The following HTT variants were observed in gnomAD, a reference collection of about 807,000 sequenced individuals.
HTT encodes huntingtin.
Under a neutral mutation model 362.3 loss-of-function variants are expected in HTT, and 104 were observed. That is an observed-to-expected ratio of 0.29 (90% CI 0.24 to 0.34). The LOEUF (loss-of-function observed/expected upper bound fraction) is 0.34, where lower values mean the gene tolerates loss of function less well. HTT is among the 10% of genes least tolerant of loss of function. The probability of loss-of-function intolerance (pLI) is 1.00; values close to 1 mark genes in which losing one functional copy is unlikely to be tolerated. For missense variants in HTT, 3,301 were observed against 3,928.6 expected (o/e 0.84, Z 4.27); for synonymous variants, 1,577 against 1,548.7 (o/e 1.02, Z -0.43).
intron 6 of HTT, among the ~76,000 whole-genome samples, chr4:3,112,756 G>A (rs1002667259): frequency 6.6e-6 from 1 of 152,146 alleles, no homozygotes; most frequent in African/African-American, 2.4e-5. Flanking sequence ...TTTCCATCTT[G>A]CACAGCTAGA....
intron 40 of HTT, among the ~76,000 whole-genome samples, chr4:3,193,005 C>T (rs1164984584): frequency 1.3e-5 from 2 of 152,210 alleles, no homozygotes; most frequent in Non-Finnish European, 2.9e-5. Context: ...CAGTGACAGA[C>T]GAAATGGGTG....
At chr4:3,236,956 T>TG (rs757140610) in intron 64 of HTT, among the ~76,000 whole-genome samples, 15 of 152,184 alleles carry the variant, frequency 9.9e-5, no homozygotes, top group Non-Finnish European at 2.2e-4. Context: ...GGGTGGCCAG[T>TG]GGGGAGCCAT....
chr4:3,115,970 A>T, intron 7 of HTT, 115 bp from the exon 8 acceptor site: 1 of 959,516 alleles, frequency 1.0e-6, no homozygotes, highest in Non-Finnish European at 1.6e-6. Context: ...GTACTCGTTC[A>T]TGATCATGTT....
chr4:3,202,233 G>A (rs1287700194), intron 41 of HTT, among the ~76,000 whole-genome samples: 4 of 152,142 alleles, frequency 2.6e-5, no homozygotes, highest in Non-Finnish European at 5.9e-5. Flanking sequence ...CTAGATTTGG[G>A]ACATTCATTC....
At position 3,139,529 on chromosome 4, in the gene HTT, C is replaced by A. The variant is rs565830980; in HGVS notation, c.2799-981C>A. ...TACTTCTTATATTCTAGAAAAAATT[C>A]TACTCATGATCAAGTCTCCATGAGG... On this transcript the variant is annotated intron_variant, in intron 21 of 66. Coordinates refer to ENST00000355072, the MANE Select transcript of HTT (RefSeq NM_001388492.1). Among the ~76,000 whole-genome samples, 7 of 152,294 alleles carry A rather than the reference C, an allele frequency of 4.6e-5. No homozygotes were observed. The South Asian group carries it at 1.4e-3, about 32-fold the overall frequency.
At chr4:3,237,945 G>A (rs1206584016) in intron 64 of HTT, among the ~76,000 whole-genome samples, 1 of 152,230 alleles carries the variant, frequency 6.6e-6, no homozygotes, top group African/African-American at 2.4e-5. Flanking sequence ...AACACATAGG[G>A]ATGTTTGTGG....
chr4:3,141,174 C>T (rs930825575), intron 22 of HTT, among the ~76,000 whole-genome samples: 1 of 152,182 alleles, frequency 6.6e-6, no homozygotes, highest in African/African-American at 2.4e-5. Context: ...GAGTGGGACA[C>T]AGTGCTTTAA....
intron 28 of HTT, among the ~76,000 whole-genome samples, chr4:3,158,994 T>C (rs1016067410): frequency 3.9e-5 from 6 of 152,224 alleles, no homozygotes; most frequent in Non-Finnish European, 8.8e-5. Context: ...TCCTGTTTCC[T>C]TTGCTCTGTC....
chr4:3,195,025 A>G (rs753798291), intron 40 of HTT, among the ~76,000 whole-genome samples: 34 of 152,326 alleles, frequency 2.2e-4, no homozygotes, highest in Middle Eastern at 3.4e-3. Context: ...GCCAAAACCA[A>G]GAATGAAAAC....
intron 28 of HTT, among the ~76,000 whole-genome samples, chr4:3,158,340 C>G (rs887704119): frequency 6.6e-6 from 1 of 152,176 alleles, no homozygotes; most frequent in Non-Finnish European, 1.5e-5. Flanking sequence ...ATCAGTTCCC[C>G]TGTTGTTCTT....
chr4:3,113,384 C>T (rs186794137), intron 6 of HTT, among the ~76,000 whole-genome samples: 5 of 151,884 alleles, frequency 3.3e-5, no homozygotes, highest in Non-Finnish European at 7.4e-5. Flanking sequence ...GGCTGGAGTG[C>T]AGTGGCACAA....
chr4:3,222,309 G>A (rs777870793), intron 53 of HTT, 78 bp from the exon 54 acceptor site: 8 of 1,233,252 alleles, frequency 6.5e-6, no homozygotes, highest in African/African-American at 1.5e-5. Context: ...GGGCCGTGCT[G>A]TGTCGGCGTA....
intron 33 of HTT, among the ~76,000 whole-genome samples, chr4:3,176,646 G>T (rs1324036340): frequency 6.6e-6 from 1 of 152,166 alleles, no homozygotes; most frequent in East Asian, 1.9e-4. Flanking sequence ...TTTCATGTTT[G>T]TTCTGATTGC....
intron 23 of HTT, among the ~76,000 whole-genome samples, chr4:3,144,653 A>G (rs1002030515): frequency 1.2e-4 from 19 of 152,190 alleles, no homozygotes; most frequent in African/African-American, 4.6e-4. Context: ...AAATACTTCC[A>G]TGTTATAGAA....
chr4:3,202,100 C>T (rs1171990988), intron 41 of HTT, among the ~76,000 whole-genome samples: 1 of 152,200 alleles, frequency 6.6e-6, no homozygotes, highest in Non-Finnish European at 1.5e-5. Flanking sequence ...TTATGATTCA[C>T]TCTCAATCTG....
At chr4:3,178,174 C>T (rs776532102) in intron 34 of HTT, 124 bp from the exon 35 acceptor site, 20 of 737,130 alleles carry the variant, frequency 2.7e-5, no homozygotes, top group Non-Finnish European at 4.3e-5. Context: ...GAGTAGATCA[C>T]GGACACCTGT....
At chr4:3,089,392 T>C (rs1429331103) in intron 2 of HTT, among the ~76,000 whole-genome samples, 1 of 152,180 alleles carries the variant, frequency 6.6e-6, no homozygotes, top group African/African-American at 2.4e-5. Context: ...TAGCTGGGAC[T>C]ACAGGCACCC....
intron 21 of HTT, among the ~76,000 whole-genome samples, chr4:3,139,834 T>A (rs906916716): frequency 6.6e-6 from 1 of 152,032 alleles, no homozygotes; most frequent in Non-Finnish European, 1.5e-5. Context: ...CTCAGTACTC[T>A]GTGGACAGAC....
intron 18 of HTT, among the ~76,000 whole-genome samples, chr4:3,133,325 A>G: frequency 7.9e-6 from 1 of 126,178 alleles, no homozygotes; most frequent in Non-Finnish European, 1.6e-5. Flanking sequence ...ACAGAAAATT[A>G]AAAAAAAAAA....
Sources: gnomAD v4.1 joint callset for allele counts (sites outside exome capture counted in the v4.1 genomes callset) on GRCh38, gnomAD v4.1.1 for gene constraint, MANE v1.5 for transcripts, NCBI Gene and HGNC (gene_info 2026-07-23, HGNC 2026-07-21) for gene names.